Variants in ABLIM2 observed in about 807,000 individuals in gnomAD.
ABLIM2 encodes actin-binding LIM protein 2.
A neutral mutation model predicts 97.7 loss-of-function variants in ABLIM2; 53 were observed. The ratio of observed to expected loss-of-function variants is 0.54; its 90% CI spans 0.44 to 0.68. ABLIM2 has a LOEUF of 0.68. Ranked by LOEUF, ABLIM2 falls within the 30% of genes least tolerant of loss-of-function variation. The pLI, the probability that ABLIM2 is intolerant of heterozygous loss-of-function variation, is 0.00. For synonymous variants in ABLIM2, 361 were observed against 345.8 expected (o/e 1.04, Z -0.49); for missense variants, 835 against 867.2 (o/e 0.96, Z 0.47).
In ABLIM2 at chr4:8,088,253, A is replaced by C; in HGVS notation, c.370T>G (p.Phe124Val). The change falls in exon 4 of 21, where the codon TTC becomes GTC. Residue 124 changes from phenylalanine (F) to valine (V), a missense_variant. Transcript: ENST00000447017. ...TGGCACATGCATTCCTTCCCGTTGA[A>C]GGTCACTCGGTCCCCGGGGGGGAAG... ...LPFPPGDRVT[F>V]NGKECMCQKC... 6.2e-7 allele frequency: 1 copy of C among 1,612,454 alleles called. No homozygotes were observed. The highest frequency in any genetic ancestry group is 1.3e-5 in the African/African-American group (1 of 74,686).
chr4:7,987,291 TA>T (rs1057036377), intron 17 of ABLIM2, among the ~76,000 whole-genome samples: 150 of 145,418 alleles, frequency 1.0e-3, no homozygotes, highest in Admixed American at 1.2e-3. Flanking sequence ...CCTGGCTAAT[TA>T]AAAAAAAAAA....
rs754096718 is a variant in ABLIM2 at position 8,140,942 on chromosome 4, C to G, written c.10+17738G>C. The stretch of plus-strand genomic sequence containing the variant: ...TCTAGAACTCCTTACTCATTAAAAT[C>G]CACGGTAAAGCCTGCAGCTGTGGGC... On this transcript the variant is annotated intron_variant, in intron 1 of 20. Transcript: ENST00000447017. The surrounding 1 kb of genome is among the most constrained non-coding windows in gnomAD (Gnocchi z 5.9). Among the ~76,000 whole-genome samples the G allele has an allele frequency of 6.6e-6, 1 of 152,132 alleles. No homozygotes were observed. The highest frequency in any genetic ancestry group is 2.1e-4 in the South Asian group (1 of 4,820).
At chr4:7,976,593 C>T (rs1167522300) in intron 20 of ABLIM2, among the ~76,000 whole-genome samples, 1 of 152,166 alleles carries the variant, frequency 6.6e-6, no homozygotes, top group Non-Finnish European at 1.5e-5. Flanking sequence ...CCTCCTGTCC[C>T]AGGTCCTTTG....
intron 8 of ABLIM2, among the ~76,000 whole-genome samples, chr4:8,045,704 T>C (rs1272268668): frequency 6.6e-6 from 1 of 152,154 alleles, no homozygotes; most frequent in South Asian, 2.1e-4. Flanking sequence ...GAAGGAATTC[T>C]TGGAATAAAC....
intron 9 of ABLIM2, 109 bp from the exon 10 acceptor site, chr4:8,036,404 G>T: frequency 7.4e-7 from 1 of 1,353,418 alleles, no homozygotes; most frequent in Non-Finnish European, 1.0e-6. Context: ...AAAGCCAGAT[G>T]CATCCCACAG....
chr4:8,074,517 G>A (rs1385220527), intron 6 of ABLIM2, among the ~76,000 whole-genome samples: 1 of 152,092 alleles, frequency 6.6e-6, no homozygotes, highest in Non-Finnish European at 1.5e-5. Context: ...AAGGTTTAGA[G>A]GAGAAATACT....
At position 8,071,635 on chromosome 4, in the gene ABLIM2, C is replaced by T. The variant is rs764860334; in HGVS notation, c.675+5993G>A. On this transcript the variant is annotated intron_variant, in intron 6 of 20. Coordinates refer to ENST00000447017, the MANE Select transcript of ABLIM2 (RefSeq NM_001130083.2). The surrounding 1 kb of genome is among the most constrained non-coding windows in gnomAD (Gnocchi z 6.2). ...CTGCCAAGCGCCTTAGGGGGCAAAA[C>T]GGGGGTGGGGGAACAGGTGGCTCCG... The T allele has an allele frequency of 8.1e-5, 74 of 912,826 alleles. No individual in the cohort carries two copies. The highest frequency in any genetic ancestry group is 2.4e-4 in the East Asian group (2 of 8,472). The allele number at this position is 912,826 out of a possible 1,614,324, so 56.5% of individuals were successfully genotyped here. A position where few individuals can be genotyped will look rare whatever the true frequency, so the allele number is the denominator to read the frequency against.
Position 8,054,200 on chromosome 4 carries a change from T to G in ABLIM2, c.810A>C (p.Glu270Asp). The G allele has an allele frequency of 6.2e-7, 1 of 1,614,036 alleles. No individual in the cohort carries two copies. The highest frequency in any genetic ancestry group is 8.5e-7 in the Non-Finnish European group (1 of 1,179,898). ...GAATGCCACCAACCTTGTTTCTGTC[T>G]TCAGTTCTGGCTGCTTGTCGACACG... is the stretch of plus-strand genomic sequence containing the variant. ...HPACRQAARTEDRNKETRTSS... is the reference protein window; with the variant it reads ...HPACRQAARTDDRNKETRTSS... The change falls in exon 8 of 21, where the codon GAA (glutamate) becomes GAC (aspartate). Residue 270 changes from glutamate (E) to aspartate (D), a missense_variant. By Grantham distance (45) the Glu-to-Asp change is conservative (BLOSUM62 2). Transcript: ENST00000447017. The surrounding 1 kb of genome is among the most constrained non-coding windows in gnomAD (Gnocchi z 4.9).
In ABLIM2 at chr4:8,078,255, G is replaced by A. The variant is rs754421006; in HGVS notation, c.582-534C>T. Among the ~76,000 whole-genome samples the A allele has an allele frequency of 1.6e-4, 24 of 152,242 alleles. 1 individual carries two copies. The highest frequency in any genetic ancestry group is 2.6e-4 in the Non-Finnish European group (18 of 68,044). On this transcript the variant is annotated intron_variant, in intron 5 of 20. Transcript: ENST00000447017. The stretch of plus-strand genomic sequence containing the variant: ...CGAATATGAGGGGTGACAAAGGCTG[G>A]CTCTGGCCACACTTGGAGAGGCCTG...
chr4:8,055,236 C>G (rs1189010581), intron 7 of ABLIM2, among the ~76,000 whole-genome samples: 1 of 152,220 alleles, frequency 6.6e-6, no homozygotes, highest in African/African-American at 2.4e-5. Context: ...AATGTCAACT[C>G]TCTCTGCCCA....
In ABLIM2 at chr4:8,023,591, T is replaced by G. The variant is rs1052763765; in HGVS notation, c.1268-3288A>C. 6.6e-6 allele frequency among the ~76,000 whole-genome samples: 1 copy of G among 152,080 alleles called. No individual in the cohort carries two copies. Among genetic ancestry groups the G allele is most frequent in the Admixed American group, 6.6e-5 (1 of 15,266 alleles). On this transcript the variant is annotated intron_variant, in intron 12 of 20. Coordinates refer to ENST00000447017, the MANE Select transcript of ABLIM2 (RefSeq NM_001130083.2). The surrounding 1 kb of genome is among the most constrained non-coding windows in gnomAD (Gnocchi z 5.7). ...CATGGTGGCCTGCTCCACGGTGGAC[T>G]TGCTCCTTCTCTCCCCTCCCACATG...
chr4:8,030,953 G>C (rs1433209111), intron 10 of ABLIM2, among the ~76,000 whole-genome samples: 2 of 152,218 alleles, frequency 1.3e-5, no homozygotes, highest in Non-Finnish European at 2.9e-5. Flanking sequence ...CACTTGCCCT[G>C]TTCCTCTACC....
chr4:8,098,135 G>A (rs1045011802), intron 2 of ABLIM2, among the ~76,000 whole-genome samples: 1 of 152,174 alleles, frequency 6.6e-6, no homozygotes, highest in Non-Finnish European at 1.5e-5. Flanking sequence ...TGGTTTCAGA[G>A]GGAGCAGCCC....
chr4:8,103,929 G>A (rs1835927141), intron 2 of ABLIM2, among the ~76,000 whole-genome samples: 1 of 152,212 alleles, frequency 6.6e-6, no homozygotes, highest in South Asian at 2.1e-4. Context: ...TTAAAAAGAG[G>A]CATCTAATGG....
chr4:8,154,287 T>C (rs142624454), intron 1 of ABLIM2, among the ~76,000 whole-genome samples: 53,572 of 127,204 alleles, frequency 0.42, 12,775 homozygotes, highest in Non-Finnish European at 0.56. Flanking sequence ...TTTTCTTTTT[T>C]TTTTTTTTTT....
Position 8,091,541 on chromosome 4 carries a change from TATA to T in ABLIM2, c.339-3260_339-3258del, listed in dbSNP as rs1408602047. On this transcript the variant is annotated intron_variant, in intron 3 of 20. Coordinates refer to ENST00000447017, the MANE Select transcript of ABLIM2 (RefSeq NM_001130083.2). ...AATATATATTATATATAAAATTATA[TATA>T]ATATTTATAATTATATATATTATAT... Among the ~76,000 whole-genome samples, 39 of 28,594 alleles carry T rather than the reference TATA, an allele frequency of 1.4e-3. 5 individuals carry two copies. The East Asian group carries it at 0.03, about 22-fold the overall frequency. 18.8% of individuals were successfully genotyped at this position (28,594 alleles called of 152,430 possible).
chr4:7,979,779 G>A (rs146301813), intron 20 of ABLIM2, among the ~76,000 whole-genome samples: 40 of 152,296 alleles, frequency 2.6e-4, no homozygotes, highest in African/African-American at 9.6e-4. Context: ...GCCCAGGCAC[G>A]GGCCTATGGC....
At chr4:8,014,930 T>G (rs922902281) in intron 14 of ABLIM2, among the ~76,000 whole-genome samples, 4 of 150,772 alleles carry the variant, frequency 2.7e-5, no homozygotes, top group African/African-American at 9.8e-5. Context: ...CTTTCTTTTT[T>G]TTTTTTTTTT....
chr4:8,103,765 G>A (rs1394122628), intron 2 of ABLIM2, among the ~76,000 whole-genome samples: 5 of 152,214 alleles, frequency 3.3e-5, no homozygotes, highest in South Asian at 2.1e-4. Flanking sequence ...AGGGGGACCC[G>A]GGGCAGTTTC....
Sources: allele counts gnomAD v4.1 joint callset (sites outside exome capture counted in the v4.1 genomes callset), GRCh38; gene constraint gnomAD v4.1.1; non-coding constraint Gnocchi (gnomAD v3.1); transcripts MANE v1.5; gene names NCBI Gene and HGNC (gene_info 2026-07-23, HGNC 2026-07-21).